Variants in MARCHF3 observed in about 807,000 individuals in gnomAD.
The protein encoded by MARCHF3 is E3 ubiquitin-protein ligase MARCHF3.
MARCHF3 carries 13 observed loss-of-function variants against 24.2 expected under a neutral mutation model. That is an observed-to-expected ratio of 0.54 (90% CI 0.35 to 0.85). MARCHF3 has a LOEUF of 0.85. Among genes scored for constraint, MARCHF3 ranks in the 40% least tolerant of loss-of-function variants. The pLI is 0.01. For synonymous variants in MARCHF3, 144 were observed against 137.3 expected (o/e 1.05, Z -0.34); for missense variants, 276 against 325.0 (o/e 0.85, Z 1.16).
intron 1 of MARCHF3, among the ~76,000 whole-genome samples, chr5:126,968,703 T>C (rs1265225595): frequency 6.6e-6 from 1 of 151,892 alleles, no homozygotes; most frequent in Non-Finnish European, 1.5e-5. Context: ...GTCTCCAGAG[T>C]AGCTGGGATT....
At chr5:126,990,283 A>G (rs7717574) in intron 1 of MARCHF3, among the ~76,000 whole-genome samples, 2,388 of 152,200 alleles carry the variant, frequency 0.016, 57 homozygotes, top group African/African-American at 0.051. Flanking sequence ...CCTGACAAAA[A>G]CAAGAAATGG....
intron 1 of MARCHF3, among the ~76,000 whole-genome samples, chr5:127,019,371 T>C (rs1407762589): frequency 2.6e-5 from 4 of 152,184 alleles, no homozygotes; most frequent in Non-Finnish European, 5.9e-5. Flanking sequence ...TCTTTGTTGC[T>C]AACAGAATCC....
At chr5:126,878,722 A>G (rs1753253965) in intron 3 of MARCHF3, among the ~76,000 whole-genome samples, 1 of 152,170 alleles carries the variant, frequency 6.6e-6, no homozygotes, top group Admixed American at 6.5e-5. Context: ...GTGACAGCTG[A>G]GGTAGGAGAA....
intron 1 of MARCHF3, among the ~76,000 whole-genome samples, chr5:127,008,520 T>G (rs1752378721): frequency 6.6e-6 from 1 of 152,208 alleles, no homozygotes; most frequent in Admixed American, 6.5e-5. Flanking sequence ...CAAATTGCAT[T>G]TGGAAGCCTT....
intron 3 of MARCHF3, among the ~76,000 whole-genome samples, chr5:126,898,190 G>A (rs1753989363): frequency 6.6e-6 from 1 of 152,086 alleles, no homozygotes; most frequent in African/African-American, 2.4e-5. Flanking sequence ...TTTAAATGGT[G>A]AATTGTATGG....
At chr5:126,965,367 C>T (rs1455787039) in intron 1 of MARCHF3, among the ~76,000 whole-genome samples, 9 of 152,124 alleles carry the variant, frequency 5.9e-5, no homozygotes, top group Admixed American at 4.6e-4. Context: ...CTTTCATGAA[C>T]GGTGGCACTG....
At chr5:126,882,216 C>G (rs540283622) in intron 3 of MARCHF3, among the ~76,000 whole-genome samples, 44 of 152,288 alleles carry the variant, frequency 2.9e-4, no homozygotes, top group African/African-American at 1.0e-3. Context: ...TACCAAATGG[C>G]ATTTGTGTGT....
chr5:127,024,983 G>A (rs7706333), intron 1 of MARCHF3, among the ~76,000 whole-genome samples: 84,239 of 151,988 alleles, frequency 0.55, 24,139 homozygotes, highest in East Asian at 0.79. Context: ...TTTTAGAACC[G>A]CACTAGGTTT....
rs1470245217 is a variant in MARCHF3 at position 126,989,337 on chromosome 5, C to CTACTAA, written c.-57+41012_-57+41013insTTAGTA. ...ACTACTACTACTACTACTACTACTACTAATAATAATAATAATATTAGGACT... is the reference window on the plus strand; with the variant it reads ...ACTACTACTACTACTACTACTACTACTACTAATAATAATAATAATAATATTAGGACT... On this transcript the variant is annotated intron_variant, in intron 1 of 4. Transcript: ENST00000308660. Among the ~76,000 whole-genome samples, 524 of 141,400 alleles carry CTACTAA rather than the reference C, an allele frequency of 3.7e-3. 2 individuals carry two copies. The highest frequency in any genetic ancestry group is 0.013 in the African/African-American group (467 of 37,274). 92.8% of individuals were successfully genotyped at this position (141,400 alleles called of 152,430 possible).
intron 3 of MARCHF3, among the ~76,000 whole-genome samples, chr5:126,891,316 G>A (rs1344073136): frequency 7.1e-6 from 1 of 141,390 alleles, no homozygotes; most frequent in Non-Finnish European, 1.5e-5. Context: ...GTCAATTTTG[G>A]CTTTTGTTGC....
intron 1 of MARCHF3, among the ~76,000 whole-genome samples, chr5:126,922,112 C>T (rs78714932): frequency 2.0e-5 from 3 of 152,158 alleles, no homozygotes; most frequent in Non-Finnish European, 4.4e-5. Flanking sequence ...AACGAGGATG[C>T]GGCCACAGGT....
rs1440066573 is a variant in MARCHF3 at position 126,914,929 on chromosome 5, C to T, written c.393+1G>A. On this transcript the variant is annotated splice_donor_variant, in intron 3 of 4. Coordinates refer to ENST00000308660, the MANE Select transcript of MARCHF3 (RefSeq NM_178450.5). LOFTEE classifies it high-confidence loss of function. Reference sequence around the variant, plus strand: ...TTTCAGGACGTGCCCCACTTACTGACCTCCACTAACGGCCTGGGTTTGCGC... The same window carrying T: ...TTTCAGGACGTGCCCCACTTACTGATCTCCACTAACGGCCTGGGTTTGCGC... 3.1e-6 allele frequency: 5 copies of T among 1,613,974 alleles called. No individual in the cohort carries two copies. The highest frequency in any genetic ancestry group is 1.7e-5 in the Admixed American group (1 of 59,990).
At chr5:126,883,449 T>C (rs974243575) in intron 3 of MARCHF3, among the ~76,000 whole-genome samples, 33 of 152,192 alleles carry the variant, frequency 2.2e-4, no homozygotes, top group Admixed American at 2.0e-3. Context: ...TTCTGAACCA[T>C]GAGGTTGATC....
chr5:126,949,223 A>G (rs1750133714), intron 1 of MARCHF3, among the ~76,000 whole-genome samples: 1 of 152,238 alleles, frequency 6.6e-6, no homozygotes, highest in South Asian at 2.1e-4. Context: ...AATAAATGAT[A>G]TGAAATCTCA....
chr5:126,976,583 C>A (rs767703760), intron 1 of MARCHF3, among the ~76,000 whole-genome samples: 1 of 152,220 alleles, frequency 6.6e-6, no homozygotes, highest in Non-Finnish European at 1.5e-5. Context: ...CATCCTTGAC[C>A]TGCCTTGGGG....
At chr5:127,027,828 C>T (rs1211720512) in intron 1 of MARCHF3, among the ~76,000 whole-genome samples, 1 of 152,168 alleles carries the variant, frequency 6.6e-6, no homozygotes, top group Non-Finnish European at 1.5e-5. Context: ...TAACACAATT[C>T]CAGTGTTTCT....
At chr5:127,016,242 GT>G (rs1450545037) in intron 1 of MARCHF3, among the ~76,000 whole-genome samples, 1 of 152,124 alleles carries the variant, frequency 6.6e-6, no homozygotes, top group African/African-American at 2.4e-5. Flanking sequence ...GCAGACAAGG[GT>G]GAACTACTGT....
At chr5:127,025,308 TAAA>T (rs56148099) in intron 1 of MARCHF3, among the ~76,000 whole-genome samples, 3 of 133,750 alleles carry the variant, frequency 2.2e-5, no homozygotes, top group South Asian at 2.4e-4. Flanking sequence ...AAAAAGTTAT[TAAA>T]AAAAAAAAAA....
intron 3 of MARCHF3, among the ~76,000 whole-genome samples, chr5:126,881,498 C>T (rs1054667895): frequency 2.0e-5 from 3 of 151,996 alleles, no homozygotes; most frequent in African/African-American, 7.2e-5. Context: ...AATTTGATTA[C>T]AGCTTATATT....
Sources: gnomAD v4.1 joint callset for allele counts (sites outside exome capture counted in the v4.1 genomes callset) on GRCh38, gnomAD v4.1.1 for gene constraint, MANE v1.5 for transcripts, NCBI Gene and HGNC (gene_info 2026-07-23, HGNC 2026-07-21) for gene names.